The following TIAM1 variants were observed in gnomAD, a reference collection of about 807,000 sequenced individuals.
TIAM1 encodes the protein rho guanine nucleotide exchange factor TIAM1.
A neutral mutation model predicts 163.5 loss-of-function variants in TIAM1; 65 were observed. The ratio of observed to expected loss-of-function variants is 0.40; its 90% CI spans 0.33 to 0.49. The LOEUF (loss-of-function observed/expected upper bound fraction) is 0.49, where lower values mean the gene tolerates loss of function less well. TIAM1 is among the 20% of genes least tolerant of loss of function. TIAM1 has a pLI of 0.77. For synonymous variants in TIAM1, 833 were observed against 810.1 expected (o/e 1.03, Z -0.48); for missense variants, 1,789 against 2,044.7 (o/e 0.87, Z 2.41).
At chr21:31,380,223 A>C (rs558969400) in intron 2 of TIAM1, among the ~76,000 whole-genome samples, 8 of 152,106 alleles carry the variant, frequency 5.3e-5, no homozygotes, top group Non-Finnish European at 1.0e-4. Context: ...ACGCCACCGC[A>C]CTCTAGCCTG....
chr21:31,239,609 A>G (rs2071062112), intron 6 of TIAM1, among the ~76,000 whole-genome samples: 1 of 152,340 alleles, frequency 6.6e-6, no homozygotes, highest in South Asian at 2.1e-4. Flanking sequence ...CAAGCCACAG[A>G]GTAGAAAAAG....
At chr21:31,505,194 C>T (rs2046984554) in intron 1 of TIAM1, among the ~76,000 whole-genome samples, 1 of 152,144 alleles carries the variant, frequency 6.6e-6, no homozygotes, top group African/African-American at 2.4e-5. Flanking sequence ...AGCTACTTAA[C>T]CCTCAGTTTC....
At chr21:31,443,156 G>T (rs193298463) in intron 2 of TIAM1, among the ~76,000 whole-genome samples, 33 of 152,176 alleles carry the variant, frequency 2.2e-4, no homozygotes, top group Non-Finnish European at 3.8e-4. Context: ...AAAAGAGGAT[G>T]GAAAGGAATG....
intron 1 of TIAM1, among the ~76,000 whole-genome samples, chr21:31,539,599 C>T (rs950681997): frequency 3.9e-5 from 6 of 152,114 alleles, no homozygotes; most frequent in Non-Finnish European, 8.8e-5. Context: ...AAACCTTCTG[C>T]TCAGTTTAGC....
At chr21:31,525,927 G>A (rs923235817) in intron 1 of TIAM1, among the ~76,000 whole-genome samples, 9 of 151,166 alleles carry the variant, frequency 6.0e-5, no homozygotes, top group Admixed American at 4.6e-4. Context: ...CCAGCTACTC[G>A]AGAGGCTGAG....
rs189831456 is a variant in TIAM1, at chr21:31,396,330, G to A, written c.-368-56908C>T. 2.7e-3 allele frequency among the ~76,000 whole-genome samples: 410 copies of A among 152,110 alleles called. 2 individuals are homozygous for A. Among genetic ancestry groups the A allele is most frequent in the African/African-American group, 8.3e-3 (343 of 41,508 alleles). ...TCCTGCCAATCTTCAATACATTCGC[G>A]GGTCCCTCTGCCTGGAATGCTCTTT... On this transcript the variant is annotated intron_variant, in intron 2 of 28. Coordinates refer to the TIAM1 transcript ENST00000286827.
intron 15 of TIAM1, among the ~76,000 whole-genome samples, chr21:31,181,813 A>C (rs1343022291): frequency 2.3e-5 from 2 of 86,814 alleles, no homozygotes; most frequent in Admixed American, 1.9e-4. Context: ...TTTACGAGAC[A>C]GGCCTCTGTC....
chr21:31,252,405 G>A (rs546676711), intron 4 of TIAM1, among the ~76,000 whole-genome samples: 87 of 152,154 alleles, frequency 5.7e-4, no homozygotes, highest in Non-Finnish European at 1.1e-3. Flanking sequence ...GCCGCCCTCC[G>A]TGAGAGCACA....
At chr21:31,468,640 GT>G (rs1426388592) in intron 1 of TIAM1, among the ~76,000 whole-genome samples, 1 of 152,064 alleles carries the variant, frequency 6.6e-6, no homozygotes, top group Non-Finnish European at 1.5e-5. Context: ...GCCAGGCGTG[GT>G]GTCGGGTGCC....
chr21:31,207,542 G>C (rs1361762940), intron 11 of TIAM1, among the ~76,000 whole-genome samples: 1 of 152,076 alleles, frequency 6.6e-6, no homozygotes, highest in Non-Finnish European at 1.5e-5. Context: ...AATAACATGG[G>C]ACACTGTTTT....
At chr21:31,407,202 C>T (rs373803744) in intron 2 of TIAM1, among the ~76,000 whole-genome samples, 1 of 152,172 alleles carries the variant, frequency 6.6e-6, no homozygotes, top group East Asian at 1.9e-4. Context: ...TTTTATAAAA[C>T]GATTCCAAAC....
chr21:31,156,408 G>T (rs1160421077), intron 16 of TIAM1, among the ~76,000 whole-genome samples: 1 of 152,152 alleles, frequency 6.6e-6, no homozygotes, highest in East Asian at 1.9e-4. Flanking sequence ...TCCCTTAGGT[G>T]ACTGACTGGA....
chr21:31,189,118 G>C (rs185221947), intron 13 of TIAM1, among the ~76,000 whole-genome samples: 2 of 131,932 alleles, frequency 1.5e-5, no homozygotes, highest in African/African-American at 5.8e-5. Context: ...GGAGTGGTGC[G>C]ATCTCAGCTC....
chr21:31,424,021 A>G (rs2043693242), intron 2 of TIAM1, among the ~76,000 whole-genome samples: 1 of 152,214 alleles, frequency 6.6e-6, no homozygotes, highest in Non-Finnish European at 1.5e-5. Flanking sequence ...ACGGTGTGTG[A>G]ATTATATCTC....
At chr21:31,161,402 G>A (rs148000361) in intron 16 of TIAM1, among the ~76,000 whole-genome samples, 2 of 152,244 alleles carry the variant, frequency 1.3e-5, no homozygotes, top group Admixed American at 6.5e-5. Context: ...GAGAGGAGGC[G>A]GCTCAGAAAG....
intron 8 of TIAM1, among the ~76,000 whole-genome samples, chr21:31,222,450 T>C (rs1485322440): frequency 6.6e-6 from 1 of 151,908 alleles, no homozygotes; most frequent in Admixed American, 6.6e-5. Flanking sequence ...AACTATACAA[T>C]CTGCCGCTCT....
At chr21:31,179,902 ATTTTT>A (rs764892757) in intron 15 of TIAM1, among the ~76,000 whole-genome samples, 1 of 131,272 alleles carries the variant, frequency 7.6e-6, no homozygotes, top group African/African-American at 3.0e-5. Flanking sequence ...ACATACACAG[ATTTTT>A]TTTTTTTTTT....
At chr21:31,375,522 T>A (rs111571098) in intron 2 of TIAM1, among the ~76,000 whole-genome samples, 72 of 149,304 alleles carry the variant, frequency 4.8e-4, no homozygotes, top group African/African-American at 1.5e-3. Flanking sequence ...TCCCACCATG[T>A]TCATTCATAT....
At chr21:31,355,302 T>C (rs1034748933) in intron 2 of TIAM1, among the ~76,000 whole-genome samples, 1 of 152,096 alleles carries the variant, frequency 6.6e-6, no homozygotes, top group African/African-American at 2.4e-5. Context: ...TTGGCATGAA[T>C]ATGGGTTTTT....
Sources: gnomAD v4.1 joint callset for allele counts (sites outside exome capture counted in the v4.1 genomes callset) on GRCh38, gnomAD v4.1.1 for gene constraint, MANE v1.5 for transcripts, NCBI Gene and HGNC (gene_info 2026-07-23, HGNC 2026-07-21) for gene names.